The following SLC24A2 variants were observed in gnomAD, a reference collection of about 807,000 sequenced individuals.
The protein encoded by SLC24A2 is sodium/potassium/calcium exchanger 2.
Under a neutral mutation model 62.0 loss-of-function variants are expected in SLC24A2, and 36 were observed. The observed-to-expected ratio is 0.58, with a 90% CI of 0.44 to 0.77. The LOEUF is 0.77. Ranked by LOEUF, SLC24A2 falls within the 30% of genes least tolerant of loss-of-function variation. SLC24A2 has a pLI of 0.00. For missense variants in SLC24A2, 846 were observed against 817.9 expected, an observed-to-expected ratio of 1.03 and a Z score of -0.42; for synonymous variants, 358 against 294.0, an observed-to-expected ratio of 1.22 and a Z score of -2.23.
At chr9:19,994,734 G>A in the SLC24A2 span, among the ~76,000 whole-genome samples, 16 of 152,188 alleles carry the variant, frequency 1.1e-4, no homozygotes, top group African/African-American at 3.9e-4. Flanking sequence ...CCTGAAGATA[G>A]TGTGGCTTCA....
At chr9:19,934,378 A>G in the SLC24A2 span, among the ~76,000 whole-genome samples, 3 of 152,122 alleles carry the variant, frequency 2.0e-5, no homozygotes, top group African/African-American at 4.8e-5. The surrounding 1 kb of genome is among the most constrained non-coding windows in gnomAD (Gnocchi z 4.1). Context: ...AGCGGCCTCC[A>G]TGGGCCGAGA....
chr9:20,036,088 G>C, the SLC24A2 span, among the ~76,000 whole-genome samples: 1 of 152,164 alleles, frequency 6.6e-6, no homozygotes, highest in Non-Finnish European at 1.5e-5. Flanking sequence ...TTCTCTCTGA[G>C]CAGAAGTTTT....
chr9:19,580,401 A>G (rs1487332758), intron 5 of SLC24A2, among the ~76,000 whole-genome samples: 2 of 152,258 alleles, frequency 1.3e-5, no homozygotes, highest in African/African-American at 4.8e-5. Flanking sequence ...CTGACAAACC[A>G]GATTCGCTGA....
intron 10 of SLC24A2, among the ~76,000 whole-genome samples, chr9:19,519,781 G>C (rs998812533): frequency 6.6e-6 from 1 of 152,186 alleles, no homozygotes; most frequent in Non-Finnish European, 1.5e-5. Context: ...GTCACTAAAA[G>C]GGTAAGTCAG....
At chr9:19,784,869 G>A (rs1823116011) in intron 2 of SLC24A2, among the ~76,000 whole-genome samples, 1 of 152,202 alleles carries the variant, frequency 6.6e-6, no homozygotes, top group East Asian at 1.9e-4. Context: ...TGAAAAGGAC[G>A]GTCATCAAAC....
At chr9:19,571,560 A>G (rs1346047799) in intron 7 of SLC24A2, among the ~76,000 whole-genome samples, 1 of 152,208 alleles carries the variant, frequency 6.6e-6, no homozygotes, top group Admixed American at 6.5e-5. Flanking sequence ...TCCTTGGACC[A>G]ACAGCATCAG....
chr9:19,787,596 T>G (rs1246472716), intron 1 of SLC24A2, among the ~76,000 whole-genome samples: 1 of 152,224 alleles, frequency 6.6e-6, no homozygotes, highest in African/African-American at 2.4e-5. Context: ...AGATCTTATT[T>G]TTCATAAAAA....
chr9:19,783,613 T>TG (rs1312306613), intron 2 of SLC24A2, among the ~76,000 whole-genome samples: 5 of 152,022 alleles, frequency 3.3e-5, no homozygotes, highest in Admixed American at 6.6e-5. Context: ...GTTCAGTGCC[T>TG]GGGGGGGAAA....
the SLC24A2 span, among the ~76,000 whole-genome samples, chr9:20,093,763 G>T: frequency 2.0e-5 from 3 of 152,118 alleles, no homozygotes; most frequent in African/African-American, 7.2e-5. Context: ...TAGCACAATA[G>T]GGTGACAATG....
chr9:19,786,737 T>C lies in SLC24A2; in HGVS notation c.130A>G (p.Met44Val). 6.2e-7 allele frequency: 1 copy of C among 1,604,788 alleles called. No individual in the cohort carries two copies. The highest frequency in any genetic ancestry group is 8.5e-7 in the Non-Finnish European group (1 of 1,174,786). The change falls in exon 2 of 11, where the codon ATG (methionine) becomes GTG (valine). Residue 44 changes from methionine to valine, a missense_variant. Coordinates refer to ENST00000341998, the MANE Select transcript of SLC24A2 (RefSeq NM_020344.4). The surrounding 1 kb of genome is among the most constrained non-coding windows in gnomAD (Gnocchi z 5.0). ...ACAGTGCTAATGGCTACCAGACCCA[T>C]GAAAAGGCCTAAGACTCGAATTAAC... ...LKLIRVLGLF[M>V]GLVAISTVSF... is the part of the protein sequence containing the mutation.
At chr9:20,297,438 A>G in the SLC24A2 span, among the ~76,000 whole-genome samples, 17,102 of 152,222 alleles carry the variant, frequency 0.11, 986 homozygotes, top group East Asian at 0.13. Flanking sequence ...GATGGAAACC[A>G]GGGGAAGGTG....
At chr9:20,198,825 C>G in the SLC24A2 span, among the ~76,000 whole-genome samples, 14 of 152,146 alleles carry the variant, frequency 9.2e-5, no homozygotes, top group East Asian at 1.2e-3. Flanking sequence ...CTCTGGCAAA[C>G]CTGGTTGTGC....
intron 2 of SLC24A2, among the ~76,000 whole-genome samples, chr9:19,759,039 G>C (rs1020895365): frequency 2.6e-5 from 4 of 152,142 alleles, no homozygotes; most frequent in African/African-American, 9.7e-5. Flanking sequence ...TTTATGTGAA[G>C]ACTCTCATCT....
the SLC24A2 span, among the ~76,000 whole-genome samples, chr9:19,817,425 C>A: frequency 4.6e-5 from 7 of 151,846 alleles, no homozygotes; most frequent in Non-Finnish European, 2.9e-5. Flanking sequence ...AGCAAACCAA[C>A]CTGTTCCCAT....
chr9:19,520,013 TTG>T (rs1563927801), intron 10 of SLC24A2, among the ~76,000 whole-genome samples: 1 of 152,196 alleles, frequency 6.6e-6, no homozygotes, highest in Non-Finnish European at 1.5e-5. Flanking sequence ...CATAGGATTA[TTG>T]TGTGGCTTAA....
chr9:19,947,653 T>C, the SLC24A2 span, among the ~76,000 whole-genome samples: 4 of 151,488 alleles, frequency 2.6e-5, no homozygotes, highest in Non-Finnish European at 4.4e-5. Context: ...TAGCCGGGCA[T>C]GGTGGCGGGC....
At chr9:19,559,081 G>A (rs1352468652) in intron 7 of SLC24A2, among the ~76,000 whole-genome samples, 1 of 152,106 alleles carries the variant, frequency 6.6e-6, no homozygotes, top group East Asian at 1.9e-4. Context: ...GGATAATCCA[G>A]GAAGGCACTT....
At chr9:20,067,715 T>C in the SLC24A2 span, among the ~76,000 whole-genome samples, 5 of 152,180 alleles carry the variant, frequency 3.3e-5, no homozygotes, top group South Asian at 2.1e-4. Context: ...AGGACATCAT[T>C]ACATTCCTTT....
the SLC24A2 span, among the ~76,000 whole-genome samples, chr9:20,194,975 C>A: frequency 6.6e-6 from 1 of 152,052 alleles, no homozygotes; most frequent in African/African-American, 2.4e-5. Flanking sequence ...AGTTTTATTA[C>A]CTAGGTATAC....
Sources: allele counts gnomAD v4.1 joint callset (sites outside exome capture counted in the v4.1 genomes callset), GRCh38; gene constraint gnomAD v4.1.1; non-coding constraint Gnocchi (gnomAD v3.1); transcripts MANE v1.5; gene names NCBI Gene and HGNC (gene_info 2026-07-23, HGNC 2026-07-21).